Variants in TRIM52 observed in about 807,000 individuals in gnomAD.
TRIM52 encodes tripartite motif containing 52, also known as E3 ubiquitin-protein ligase TRIM52.
A neutral mutation model predicts 27.0 loss-of-function variants in TRIM52; 24 were observed. That is an observed-to-expected ratio of 0.89 (90% confidence interval 0.64 to 1.25). TRIM52 has a LOEUF of 1.25. TRIM52 is among the 50% of genes most tolerant of loss of function. The pLI, the probability that TRIM52 is intolerant of heterozygous loss-of-function variation, is 0.00. For synonymous variants in TRIM52, 125 were observed against 126.5 expected (o/e 0.99, Z 0.08); for missense variants, 351 against 354.7 (o/e 0.99, Z 0.08).
chr5:181,260,688 C>T lies in TRIM52; in HGVS notation c.126G>A (p.Gly42=), dbSNP rs747836567. ...SISCGHNFCR[G]CVTQLWSKED... is the part of the protein sequence containing the mutation. ...CCTTACTCCACAGCTGGGTCACACACCCTCGGCAGAAGTTGTGCCCACAGC... is the reference window on the plus strand; with the variant it reads ...CCTTACTCCACAGCTGGGTCACACATCCTCGGCAGAAGTTGTGCCCACAGC... The change falls in exon 1 of 2, where the codon GGG becomes GGA. Residue 42 remains glycine (G), a synonymous_variant. Transcript: ENST00000688015. The surrounding 1 kb of genome is among the most constrained non-coding windows in gnomAD (Gnocchi z 4.4). 8.1e-6 allele frequency: 13 copies of T among 1,613,940 alleles called. No individual in the cohort carries two copies. Among genetic ancestry groups the T allele is most frequent in the Non-Finnish European group, 8.5e-6 (10 of 1,180,024 alleles).
downstream of TRIM52, among the ~76,000 whole-genome samples, chr5:181,249,261 G>A (rs1759585910): frequency 6.6e-6 from 1 of 152,182 alleles, no homozygotes; most frequent in Non-Finnish European, 1.5e-5. Flanking sequence ...GCTGGGGGTG[G>A]TGGTGCAAGA....
intron 1 of TRIM52, chr5:181,257,710 A>G (rs995190556): frequency 9.3e-6 from 3 of 322,330 alleles, no homozygotes; most frequent in Admixed American, 9.4e-5. Flanking sequence ...TGAAAGAGAC[A>G]CCCAGGCATG....
At chr5:181,253,344 C>T (rs1204822238), downstream of TRIM52, among the ~76,000 whole-genome samples, 1 of 142,346 alleles carries the variant, frequency 7.0e-6, no homozygotes, top group Non-Finnish European at 1.5e-5. Context: ...CCTCAGGGTA[C>T]TTTTAATAAA....
downstream of TRIM52, among the ~76,000 whole-genome samples, chr5:181,251,966 TTTA>T (rs1271778167): frequency 6.6e-6 from 1 of 152,212 alleles, no homozygotes; most frequent in Non-Finnish European, 1.5e-5. Flanking sequence ...AAACCCTATA[TTTA>T]TTATCCCTCC....
downstream of TRIM52, among the ~76,000 whole-genome samples, chr5:181,250,047 A>T (rs982874736): frequency 5.3e-5 from 8 of 149,546 alleles, no homozygotes; most frequent in East Asian, 3.9e-4. Flanking sequence ...TTAACTTTTT[A>T]AAAAAATGTT....
In TRIM52 at chr5:181,255,317, TAA is replaced by T. The variant is rs1759729496; in HGVS notation, c.*1490_*1491del. ...CTAGATATATCAAAACATTAAAAAA[TAA>T]AAAAGCTTTTTAAGGTGTAAGGAGC... On this transcript the variant is annotated 3_prime_UTR_variant, in exon 2 of 2. Coordinates refer to ENST00000688015, the MANE Select transcript of TRIM52 (RefSeq NM_001346048.2). 6.6e-6 allele frequency: 1 copy of T among 152,140 alleles called. No homozygotes were observed. Among genetic ancestry groups the T allele is most frequent in the African/African-American group, 2.4e-5 (1 of 41,428 alleles). 9.4% of individuals were successfully genotyped at this position (152,140 alleles called of 1,614,324 possible). A position where few individuals can be genotyped will look rare whatever the true frequency, so the allele number is the denominator to read the frequency against.
intron 1 of TRIM52, chr5:181,259,243 T>C (rs1194685522): frequency 1.3e-5 from 2 of 152,784 alleles, no homozygotes; most frequent in Non-Finnish European, 2.9e-5. Flanking sequence ...TCTCTTTTAA[T>C]CCTTACAATC....
chr5:181,253,924 T>C (rs1192030238), downstream of TRIM52, among the ~76,000 whole-genome samples: 6 of 142,918 alleles, frequency 4.2e-5, 1 homozygote, highest in African/African-American at 1.7e-4. Context: ...TGAGCTGTGA[T>C]TGCACTACTG....
downstream of TRIM52, chr5:181,254,828 C>T (rs1759716666): frequency 6.6e-6 from 1 of 152,198 alleles, no homozygotes; most frequent in Non-Finnish European, 1.5e-5. Flanking sequence ...TTGGAGTGTG[C>T]TTAAGTGTAT....
chr5:181,251,165 A>G (rs916421007), downstream of TRIM52, among the ~76,000 whole-genome samples: 1 of 152,064 alleles, frequency 6.6e-6, no homozygotes, highest in Non-Finnish European at 1.5e-5. Context: ...GTGGTAGCAC[A>G]TGCTTGTAAT....
intron 1 of TRIM52, chr5:181,259,481 C>G (rs1426081272): frequency 6.6e-6 from 1 of 150,534 alleles, no homozygotes; most frequent in Admixed American, 5.8e-5. Flanking sequence ...AGATGCAATC[C>G]CAGACTTTCA....
At chr5:181,253,532 T>C (rs1456224486), downstream of TRIM52, among the ~76,000 whole-genome samples, 1 of 142,950 alleles carries the variant, frequency 7.0e-6, no homozygotes, top group Non-Finnish European at 1.5e-5. Flanking sequence ...TTATGGGACA[T>C]TTGGTAATGT....
At chr5:181,259,064 A>G (rs1243344026) in intron 1 of TRIM52, 3 of 152,246 alleles carry the variant, frequency 2.0e-5, no homozygotes, top group African/African-American at 7.2e-5. Context: ...TTGGTAAGGA[A>G]GATGGTACTC....
Position 181,256,269 on chromosome 5 carries a change from C to G in TRIM52, c.*540G>C, listed in dbSNP as rs1349760625. 1.3e-5 allele frequency: 2 copies of G among 152,124 alleles called. No homozygotes were observed. The highest frequency in any genetic ancestry group is 4.8e-5 in the African/African-American group (2 of 41,422). 9.4% of individuals were successfully genotyped at this position (152,124 alleles called of 1,614,324 possible). ...TGGTCAAGTAGAAGGCTCACGAAAA[C>G]AGCACACCCACAGTTTTGAAAGCCT... On this transcript the variant is annotated 3_prime_UTR_variant, in exon 2 of 2. Transcript: ENST00000688015.
rs1466760459 is a variant in TRIM52 at position 181,255,725 on chromosome 5, T to C, written c.*1084A>G. On this transcript the variant is annotated 3_prime_UTR_variant, in exon 2 of 2. Coordinates refer to ENST00000688015, the MANE Select transcript of TRIM52 (RefSeq NM_001346048.2). ...TGTATTTTTGGCAAGTTTTGTTTGA[T>C]GTATTTCATAATGAACGGCGAAATT... is the stretch of plus-strand genomic sequence containing the variant. The C allele has an allele frequency of 1.3e-5, 2 of 152,260 alleles. No homozygotes were observed. Among genetic ancestry groups the C allele is most frequent in the African/African-American group, 4.8e-5 (2 of 41,478 alleles). 9.4% of individuals were successfully genotyped at this position (152,260 alleles called of 1,614,324 possible). A position where few individuals can be genotyped will look rare whatever the true frequency, so the allele number is the denominator to read the frequency against.
At position 181,260,034 on chromosome 5, in the gene TRIM52, C is replaced by T. The variant is rs1225707049; in HGVS notation, c.780G>A (p.Val260=). The T allele has an allele frequency of 6.2e-7, 1 of 1,614,166 alleles. No homozygotes were observed. The highest frequency in any genetic ancestry group is 1.7e-5 in the Admixed American group (1 of 60,020). Residue 260 remains valine (V), a synonymous_variant, in exon 1 of 2, where the codon GTG becomes GTA. Transcript: ENST00000688015. The surrounding 1 kb of genome is among the most constrained non-coding windows in gnomAD (Gnocchi z 4.4). ...RESRSHKQHS[V]LPLEEVVQEY... is the part of the protein sequence containing the mutation. ...CCTGCACCACCTCCTCCAAAGGCAG[C>T]ACGCTGTGCTGTTTGTGGCTCCTGG...
chr5:181,255,744 C>T lies in TRIM52; in HGVS notation c.*1065G>A, dbSNP rs955501958. ...GTTTGATGTATTTCATAATGAACGG[C>T]GAAATTGGTGTTTGCCCATTGACAT... is the stretch of plus-strand genomic sequence containing the variant. On this transcript the variant is annotated 3_prime_UTR_variant, in exon 2 of 2. Transcript: ENST00000688015. The T allele has an allele frequency of 3.3e-5, 5 of 152,118 alleles. No homozygotes were observed. The highest frequency in any genetic ancestry group is 1.3e-4 in the Admixed American group (2 of 15,270). 9.4% of individuals were successfully genotyped at this position (152,118 alleles called of 1,614,324 possible). A position where few individuals can be genotyped will look rare whatever the true frequency, so the allele number is the denominator to read the frequency against.
rs563475429 is a variant in TRIM52 at position 181,257,092 on chromosome 5, T to C, written c.814-233A>G. The C allele has an allele frequency of 3.2e-5, 33 of 1,026,220 alleles. No individual in the cohort carries two copies. The Admixed American group carries it at 6.1e-4, about 19-fold the overall frequency. 63.6% of individuals were successfully genotyped at this position (1,026,220 alleles called of 1,614,324 possible). On this transcript the variant is annotated intron_variant, in intron 1 of 1. Coordinates refer to ENST00000688015, the MANE Select transcript of TRIM52 (RefSeq NM_001346048.2). ...AAGTGAAATCTTTGTTCATTTTCTT[T>C]TTATACACCCGTCTGCTTCCTAAAA...
At chr5:181,253,202 A>C (rs1440795293), downstream of TRIM52, among the ~76,000 whole-genome samples, 2 of 140,936 alleles carry the variant, frequency 1.4e-5, no homozygotes, top group Non-Finnish European at 3.0e-5. Context: ...TGCCTGGCTA[A>C]TTTTGTATTT....
Sources: allele counts gnomAD v4.1 joint callset (sites outside exome capture counted in the v4.1 genomes callset), GRCh38; gene constraint gnomAD v4.1.1; non-coding constraint Gnocchi (gnomAD v3.1); transcripts MANE v1.5; gene names NCBI Gene and HGNC (gene_info 2026-07-23, HGNC 2026-07-21).